The following TTC34 variants were observed in gnomAD, a reference collection of about 807,000 sequenced individuals.
TTC34 encodes tetratricopeptide repeat domain 34, also known as tetratricopeptide repeat protein 34.
TTC34 carries 44 observed loss-of-function variants against 40.7 expected under a neutral mutation model. The ratio of observed to expected loss-of-function variants is 1.08; its 90% CI spans 0.85 to 1.39. The LOEUF (loss-of-function observed/expected upper bound fraction) is 1.39, where lower values mean the gene tolerates loss of function less well. Among genes scored for constraint, TTC34 ranks in the 40% most tolerant of loss-of-function variants. The pLI is 0.00. For synonymous variants in TTC34, 422 were observed against 398.6 expected (o/e 1.06, Z -0.70); for missense variants, 884 against 838.0 (o/e 1.05, Z -0.68).
intron 6 of TTC34, among the ~76,000 whole-genome samples, chr1:2,699,988 T>C (rs1334628095): frequency 7.1e-5 from 7 of 98,046 alleles, no homozygotes; most frequent in Non-Finnish European, 1.4e-4. Flanking sequence ...GGTGAGCATC[T>C]GACAGCCTGG....
chr1:2,781,996 T>A (rs978171314), intron 6 of TTC34, among the ~76,000 whole-genome samples: 3 of 152,330 alleles, frequency 2.0e-5, no homozygotes, highest in Non-Finnish European at 4.4e-5. Context: ...TTGGCTATGG[T>A]ATCAGGGTAA....
At chr1:2,777,417 C>T (rs1047095065) in intron 6 of TTC34, among the ~76,000 whole-genome samples, 1 of 152,142 alleles carries the variant, frequency 6.6e-6, no homozygotes, top group Non-Finnish European at 1.5e-5. Flanking sequence ...CACTCCACAC[C>T]TCCAGGGGAG....
At chr1:2,648,882 C>T (rs1292484279) in intron 6 of TTC34, among the ~76,000 whole-genome samples, 2 of 150,948 alleles carry the variant, frequency 1.3e-5, no homozygotes, top group Non-Finnish European at 3.0e-5. Context: ...ACCCTACACA[C>T]CCAGCTGAGC....
At chr1:2,684,254 C>T (rs71503009) in intron 6 of TTC34, among the ~76,000 whole-genome samples, 29 of 149,400 alleles carry the variant, frequency 1.9e-4, no homozygotes, top group African/African-American at 6.6e-4. Flanking sequence ...GAGCATCCGG[C>T]AGCCTGGAGC....
intron 6 of TTC34, among the ~76,000 whole-genome samples, chr1:2,686,109 C>A (rs1434329673): frequency 1.6e-5 from 2 of 124,396 alleles, no homozygotes; most frequent in African/African-American, 3.3e-5. Context: ...CAGCCTGGAA[C>A]GGCACCCACA....
intron 6 of TTC34, among the ~76,000 whole-genome samples, chr1:2,686,660 C>G (rs536844840): frequency 4.8e-5 from 7 of 144,372 alleles, no homozygotes; most frequent in Non-Finnish European, 1.0e-4. Flanking sequence ...GAGCATCTGA[C>G]AGCCTGGAAC....
chr1:2,782,292 T>C (rs1643495535), intron 6 of TTC34, among the ~76,000 whole-genome samples: 1 of 152,206 alleles, frequency 6.6e-6, no homozygotes, highest in South Asian at 2.1e-4. Flanking sequence ...TGGTTTACAA[T>C]TGTTCCTATT....
chr1:2,753,323 G>A (rs1486526275), intron 6 of TTC34, among the ~76,000 whole-genome samples: 51 of 97,750 alleles, frequency 5.2e-4, no homozygotes, highest in African/African-American at 2.0e-4. Context: ...ACAGCCTGGA[G>A]CATCACCCAC....
intron 6 of TTC34, among the ~76,000 whole-genome samples, chr1:2,781,962 G>A (rs949182974): frequency 6.6e-6 from 1 of 152,138 alleles, no homozygotes; most frequent in Non-Finnish European, 1.5e-5. Context: ...CGGGATAATG[G>A]TCTGTAGTTT....
At chr1:2,677,312 C>T (rs1639941502) in intron 6 of TTC34, among the ~76,000 whole-genome samples, 3 of 54,930 alleles carry the variant, frequency 5.5e-5, no homozygotes, top group African/African-American at 1.9e-4. Context: ...ATCGGAGAGT[C>T]AGGAGCAGTG....
At chr1:2,785,882 C>T in exon 5 of TTC34, 5 of 1,539,382 alleles carry the variant, frequency 3.2e-6, no homozygotes, top group Non-Finnish European at 4.4e-6. Flanking sequence ...CTGCCGTCGG[C>T]CCCGCCTGGC....
At chr1:2,657,296 C>A (rs559353820) in intron 6 of TTC34, among the ~76,000 whole-genome samples, 31 of 122,014 alleles carry the variant, frequency 2.5e-4, no homozygotes, top group South Asian at 2.3e-4. Context: ...GAGCCGTGCC[C>A]AAACACCCAG....
intron 6 of TTC34, among the ~76,000 whole-genome samples, chr1:2,750,551 G>T (rs1317161388): frequency 0.026 from 144 of 5,524 alleles, 2 homozygotes; most frequent in East Asian, 0.039. Context: ...GACAGCCTGG[G>T]GCAGCACCCA....
At chr1:2,651,863 G>C (rs1639144043) in intron 6 of TTC34, among the ~76,000 whole-genome samples, 1 of 151,816 alleles carries the variant, frequency 6.6e-6, no homozygotes, top group Non-Finnish European at 1.5e-5. Context: ...GCCTCTGATG[G>C]ACTCAAACAA....
At chr1:2,748,782 C>T (rs1239139795) in intron 6 of TTC34, among the ~76,000 whole-genome samples, 2,962 of 141,158 alleles carry the variant, frequency 0.021, 1,062 homozygotes, top group Admixed American at 0.037. Context: ...CATCCGGCAG[C>T]CTGGAGCGGA....
chr1:2,778,725 A>C lies in TTC34; in HGVS notation c.2226+4884T>G, dbSNP rs934896409. ...GCAGCACCCACCCTCTTCTTTTTCC[A>C]ATTTGTTTTTATTGTGGTTAAATAT... On this transcript the variant is annotated intron_variant, in intron 6 of 8. Transcript: ENST00000401095. Among the ~76,000 whole-genome samples the C allele has an allele frequency of 3.3e-5, 5 of 151,990 alleles. No homozygotes were observed. The South Asian group carries it at 1.0e-3, about 32-fold the overall frequency.
intron 6 of TTC34, among the ~76,000 whole-genome samples, chr1:2,683,300 A>G (rs1401999900): frequency 7.3e-4 from 106 of 145,302 alleles, no homozygotes; most frequent in African/African-American, 1.2e-3. Context: ...AGCCTGGAAC[A>G]GAATCCACAC....
intron 6 of TTC34, among the ~76,000 whole-genome samples, chr1:2,773,185 T>C (rs1179057457): frequency 4.3e-5 from 4 of 93,180 alleles, no homozygotes; most frequent in Non-Finnish European, 8.7e-5. Context: ...CACCCCCAGG[T>C]GAGCATGTGA....
intron 6 of TTC34, among the ~76,000 whole-genome samples, chr1:2,648,126 T>C (rs1481662239): frequency 6.6e-6 from 1 of 152,118 alleles, no homozygotes; most frequent in African/African-American, 2.4e-5. Flanking sequence ...ATTCCAAACC[T>C]CTAAGCCATC....
Sources: allele counts gnomAD v4.1 joint callset (sites outside exome capture counted in the v4.1 genomes callset), GRCh38; gene constraint gnomAD v4.1.1; transcripts MANE v1.5; gene names NCBI Gene and HGNC (gene_info 2026-07-23, HGNC 2026-07-21).